The following KCNQ5 variants were observed in gnomAD, a reference collection of about 807,000 sequenced individuals.
KCNQ5 encodes potassium voltage-gated channel subfamily KQT member 5.
In KCNQ5, 30 loss-of-function variants were observed where a neutral mutation model predicts 98.2. The ratio of observed to expected loss-of-function variants is 0.31; its 90% CI spans 0.23 to 0.41. The LOEUF is 0.41. Ranked by LOEUF, KCNQ5 falls within the 10% of genes least tolerant of loss-of-function variation. The pLI is 1.00. For missense variants in KCNQ5, 835 were observed against 1,182.5 expected, an observed-to-expected ratio of 0.71 and a Z score of 4.31; for synonymous variants, 458 against 449.4, an observed-to-expected ratio of 1.02 and a Z score of -0.24.
intron 2 of KCNQ5, among the ~76,000 whole-genome samples, chr6:73,034,224 C>T (rs2150350723): frequency 6.6e-6 from 1 of 152,188 alleles, no homozygotes; most frequent in Admixed American, 6.5e-5. Context: ...AAATTCTTTC[C>T]CTGCAGGGAT....
intron 1 of KCNQ5, among the ~76,000 whole-genome samples, chr6:72,890,487 T>C (rs563235555): frequency 1.3e-5 from 2 of 151,366 alleles, no homozygotes; most frequent in South Asian, 4.3e-4. Context: ...AGTTATTAGG[T>C]TGCATTAAAA....
intron 3 of KCNQ5, among the ~76,000 whole-genome samples, chr6:73,048,142 T>G (rs577839666): frequency 3.3e-5 from 5 of 152,302 alleles, no homozygotes; most frequent in African/African-American, 1.2e-4. Context: ...CAAGATAATG[T>G]CATCTACAGA....
intron 3 of KCNQ5, among the ~76,000 whole-genome samples, chr6:73,070,292 G>C (rs2150384386): frequency 1.3e-5 from 2 of 152,234 alleles, no homozygotes; most frequent in Admixed American, 1.3e-4. Flanking sequence ...TTCTCAATAA[G>C]TATATGCAAA....
At chr6:72,870,398 C>T (rs1778154177) in intron 1 of KCNQ5, among the ~76,000 whole-genome samples, 1 of 152,100 alleles carries the variant, frequency 6.6e-6, no homozygotes, top group Admixed American at 6.6e-5. Context: ...ACCTCAGCCT[C>T]TTGAGTAGCT....
At chr6:72,642,881 G>A (rs1285257476) in intron 1 of KCNQ5, among the ~76,000 whole-genome samples, 1 of 152,114 alleles carries the variant, frequency 6.6e-6, no homozygotes, top group African/African-American at 2.4e-5. Flanking sequence ...GTGGTAGACT[G>A]GATAAAGAAA....
At chr6:72,675,810 A>C (rs1047745820) in intron 1 of KCNQ5, among the ~76,000 whole-genome samples, 1 of 152,142 alleles carries the variant, frequency 6.6e-6, no homozygotes, top group South Asian at 2.1e-4. Flanking sequence ...TAATATTTAG[A>C]AGGATTTTCC....
chr6:72,715,750 ATAAT>A (rs1388162418), intron 1 of KCNQ5, among the ~76,000 whole-genome samples: 1 of 152,200 alleles, frequency 6.6e-6, no homozygotes, highest in East Asian at 1.9e-4. Flanking sequence ...TATTTTAATG[ATAAT>A]TAGAGAAATT....
At chr6:72,655,026 G>GTCTT (rs55711635) in intron 1 of KCNQ5, among the ~76,000 whole-genome samples, 7,011 of 105,192 alleles carry the variant, frequency 0.067, 552 homozygotes, top group Non-Finnish European at 0.093. Flanking sequence ...AGGTCTGTCT[G>GTCTT]TCTTTCTTTC....
At chr6:72,715,701 A>G (rs1769611884) in intron 1 of KCNQ5, among the ~76,000 whole-genome samples, 1 of 152,208 alleles carries the variant, frequency 6.6e-6, no homozygotes, top group African/African-American at 2.4e-5. Context: ...CATGACACTT[A>G]TAAAGTATCT....
At chr6:73,133,762 T>C in intron 10 of KCNQ5, 121 bp downstream of exon 10, 1 of 905,410 alleles carries the variant, frequency 1.1e-6, no homozygotes, top group South Asian at 1.6e-5. Context: ...AGAGAAAGAA[T>C]TGTTTGTTTG....
intron 1 of KCNQ5, among the ~76,000 whole-genome samples, chr6:72,803,727 GT>G (rs1774788719): frequency 6.6e-6 from 1 of 152,052 alleles, no homozygotes; most frequent in African/African-American, 2.4e-5. Flanking sequence ...TTTTTAGTTC[GT>G]TGGTTCTTTG....
At chr6:72,860,837 A>G (rs937983498) in intron 1 of KCNQ5, among the ~76,000 whole-genome samples, 23 of 107,294 alleles carry the variant, frequency 2.1e-4, no homozygotes, top group African/African-American at 6.1e-4. Flanking sequence ...CTTTTAAGGC[A>G]TGTGTGTGTG....
At chr6:73,028,332 A>T (rs1283421896) in intron 2 of KCNQ5, among the ~76,000 whole-genome samples, 1 of 152,172 alleles carries the variant, frequency 6.6e-6, no homozygotes, top group African/African-American at 2.4e-5. Context: ...GCTGGCCTGG[A>T]ATGTAAGCAC....
chr6:73,072,696 C>G (rs112580029), intron 3 of KCNQ5, among the ~76,000 whole-genome samples: 4 of 152,262 alleles, frequency 2.6e-5, no homozygotes, highest in South Asian at 2.1e-4. Flanking sequence ...TTGCAGTCAC[C>G]TCAAATTTCA....
intron 1 of KCNQ5, among the ~76,000 whole-genome samples, chr6:72,926,851 T>A (rs553073210): frequency 3.3e-5 from 5 of 152,322 alleles, no homozygotes; most frequent in African/African-American, 1.2e-4. Flanking sequence ...TTGAAAATTC[T>A]CTCTCAGTAA....
intron 1 of KCNQ5, among the ~76,000 whole-genome samples, chr6:72,854,375 T>C (rs1777428433): frequency 6.6e-6 from 1 of 152,138 alleles, no homozygotes; most frequent in African/African-American, 2.4e-5. Flanking sequence ...AAATATGGGA[T>C]GATCAGAGTA....
intron 1 of KCNQ5, among the ~76,000 whole-genome samples, chr6:72,836,523 C>T (rs1387649611): frequency 6.6e-6 from 1 of 152,064 alleles, no homozygotes. Flanking sequence ...ACTGCAGGCT[C>T]AAATTCCTGA....
chr6:72,968,989 A>G (rs1252725337), intron 1 of KCNQ5, among the ~76,000 whole-genome samples: 1 of 152,314 alleles, frequency 6.6e-6, no homozygotes, highest in Admixed American at 6.5e-5. Context: ...TAAGGAGTTG[A>G]GGAATAAGCT....
chr6:73,112,934 A>G (rs1268505921), intron 7 of KCNQ5, among the ~76,000 whole-genome samples: 1 of 151,018 alleles, frequency 6.6e-6, no homozygotes, highest in Non-Finnish European at 1.5e-5. Context: ...ATCACTGAGA[A>G]TCTCTATTTT....
Sources: gnomAD v4.1 joint callset for allele counts (sites outside exome capture counted in the v4.1 genomes callset) on GRCh38, gnomAD v4.1.1 for gene constraint, MANE v1.5 for transcripts, NCBI Gene and HGNC (gene_info 2026-07-23, HGNC 2026-07-21) for gene names.